SCFD2: variants seen among roughly 807,000 people sequenced by gnomAD.
SCFD2 encodes the protein sec1 family domain containing 2, also known as sec1 family domain-containing protein 2.
In SCFD2, 54 loss-of-function variants were observed where a neutral mutation model predicts 58.9. The ratio of observed to expected loss-of-function variants is 0.92; its 90% confidence interval spans 0.74 to 1.15. The LOEUF (loss-of-function observed/expected upper bound fraction) is 1.15. SCFD2 is among the 50% of genes most tolerant of loss of function. The pLI is 0.00. For missense variants in SCFD2, 805 were observed against 836.6 expected (o/e 0.96, Z 0.47); for synonymous variants, 321 against 335.9 (o/e 0.96, Z 0.49).
intron 6 of SCFD2, among the ~76,000 whole-genome samples, chr4:52,917,989 G>A (rs1014803698): frequency 2.0e-5 from 3 of 152,168 alleles, no homozygotes; most frequent in Non-Finnish European, 4.4e-5. Context: ...TGGGGCCAGT[G>A]GGGGCCCAAG....
At chr4:53,000,826 G>C (rs139015559) in intron 5 of SCFD2, among the ~76,000 whole-genome samples, 5,746 of 152,294 alleles carry the variant, frequency 0.038, 194 homozygotes, top group Admixed American at 0.068. Context: ...AGGAGGCAGA[G>C]CTCAGGCGGT....
chr4:53,255,741 C>T (rs184525465), intron 4 of SCFD2, among the ~76,000 whole-genome samples: 2,615 of 151,826 alleles, frequency 0.017, 84 homozygotes, highest in African/African-American at 0.06. Flanking sequence ...ACCTCCCAGA[C>T]GGGGTGGTGG....
rs542180560 is a variant in SCFD2, at chr4:52,990,473, G to A, written c.1562-69603C>T. On this transcript the variant is annotated intron_variant, in intron 5 of 8. Transcript: ENST00000401642. ...TGTACCATTTGTGTACTACATTAAG[G>A]AGACCAGCCAATGGGGAGAGCTGAG... Among the ~76,000 whole-genome samples the A allele has an allele frequency of 2.6e-5, 4 of 152,256 alleles. No individual in the cohort carries two copies. In the South Asian group the frequency reaches 8.3e-4, roughly 32 times the overall value.
At chr4:52,979,065 T>TGGGGGG (rs10667731) in intron 5 of SCFD2, among the ~76,000 whole-genome samples, 1 of 146,888 alleles carries the variant, frequency 6.8e-6, no homozygotes, top group African/African-American at 2.5e-5. Flanking sequence ...GGCCTTTTTT[T>TGGGGGG]GGGGGGGGGA....
At chr4:53,187,282 G>A (rs1308839028) in intron 4 of SCFD2, among the ~76,000 whole-genome samples, 2 of 152,066 alleles carry the variant, frequency 1.3e-5, no homozygotes, top group Admixed American at 6.6e-5. Flanking sequence ...ACAATGCTGT[G>A]AAGCAATGGA....
chr4:52,914,187 G>A (rs1719551601), intron 6 of SCFD2, among the ~76,000 whole-genome samples: 1 of 152,178 alleles, frequency 6.6e-6, no homozygotes, highest in African/African-American at 2.4e-5. Context: ...GATTGCTTAT[G>A]ACAAAAATGA....
intron 5 of SCFD2, among the ~76,000 whole-genome samples, chr4:53,039,967 C>T (rs1722854301): frequency 6.6e-6 from 1 of 152,162 alleles, no homozygotes. Context: ...GACACTTACA[C>T]TCCTTCTGTC....
chr4:53,333,281 G>A (rs377666687), intron 2 of SCFD2, among the ~76,000 whole-genome samples: 14 of 149,896 alleles, frequency 9.3e-5, no homozygotes, highest in Non-Finnish European at 1.5e-4. Context: ...AAAAGAGCCC[G>A]CCATCGCCAA....
At chr4:52,917,375 G>A (rs912192954) in intron 6 of SCFD2, among the ~76,000 whole-genome samples, 11 of 152,224 alleles carry the variant, frequency 7.2e-5, no homozygotes, top group East Asian at 1.9e-4. Context: ...TATGAACCCC[G>A]ATGCTATGGC....
intron 4 of SCFD2, among the ~76,000 whole-genome samples, chr4:53,182,945 CAAT>C (rs1322921287): frequency 1.3e-5 from 2 of 152,148 alleles, no homozygotes; most frequent in African/African-American, 4.8e-5. Context: ...ATCAAAACCA[CAAT>C]GAGATACCAT....
chr4:53,331,741 A>G (rs575985551), intron 2 of SCFD2, among the ~76,000 whole-genome samples: 1 of 152,326 alleles, frequency 6.6e-6, no homozygotes, highest in African/African-American at 2.4e-5. Flanking sequence ...AGAAATAACT[A>G]AAATCAGAGC....
intron 5 of SCFD2, among the ~76,000 whole-genome samples, chr4:53,017,380 T>C (rs1455417416): frequency 1.3e-5 from 2 of 152,144 alleles, no homozygotes; most frequent in African/African-American, 4.8e-5. Flanking sequence ...CTGTGTGAAA[T>C]AGTGAGGTAA....
chr4:53,331,670 C>A (rs1199355633), intron 2 of SCFD2, among the ~76,000 whole-genome samples: 1 of 152,156 alleles, frequency 6.6e-6, no homozygotes, highest in Non-Finnish European at 1.5e-5. Flanking sequence ...GACACCCTAA[C>A]ATCACAATTA....
intron 4 of SCFD2, among the ~76,000 whole-genome samples, chr4:53,219,682 A>G (rs11133251): frequency 0.7 from 106,784 of 152,012 alleles, 37,826 homozygotes; most frequent in Middle Eastern, 0.78. Flanking sequence ...AGATGAACCT[A>G]GTACCTCAGT....
intron 4 of SCFD2, among the ~76,000 whole-genome samples, chr4:53,251,359 G>C (rs1730371074): frequency 6.6e-6 from 1 of 152,260 alleles, no homozygotes; most frequent in African/African-American, 2.4e-5. Context: ...TAGAAAAAGA[G>C]GGAATCCTCC....
chr4:53,037,850 T>C (rs892873193), intron 5 of SCFD2, among the ~76,000 whole-genome samples: 3 of 152,182 alleles, frequency 2.0e-5, no homozygotes, highest in Non-Finnish European at 2.9e-5. Context: ...GAACTCATCC[T>C]GGCAAAGCAA....
At chr4:53,355,389 A>G (rs1375575691) in intron 1 of SCFD2, among the ~76,000 whole-genome samples, 1 of 152,128 alleles carries the variant, frequency 6.6e-6, no homozygotes, top group Non-Finnish European at 1.5e-5. Flanking sequence ...TTACCCTCTC[A>G]GTTACTCTCT....
At chr4:53,165,295 A>G (rs1168038276) in intron 4 of SCFD2, among the ~76,000 whole-genome samples, 2 of 152,214 alleles carry the variant, frequency 1.3e-5, no homozygotes, top group East Asian at 1.9e-4. Context: ...CTTCAACTGT[A>G]TACTTGCATA....
At chr4:53,110,775 G>A (rs1209031693) in intron 5 of SCFD2, among the ~76,000 whole-genome samples, 1 of 152,208 alleles carries the variant, frequency 6.6e-6, no homozygotes, top group East Asian at 1.9e-4. Context: ...GGAAGACAGT[G>A]TGTCAATTCC....
Sources: gnomAD v4.1 joint callset for allele counts (sites outside exome capture counted in the v4.1 genomes callset) on GRCh38, gnomAD v4.1.1 for gene constraint, MANE v1.5 for transcripts, NCBI Gene and HGNC (gene_info 2026-07-23, HGNC 2026-07-21) for gene names.